TNS3: variants seen among roughly 807,000 people sequenced by gnomAD.
TNS3 encodes tensin-3.
In TNS3, 45 loss-of-function variants were observed where a neutral mutation model predicts 140.9. The ratio of observed to expected loss-of-function variants is 0.32; its 90% CI spans 0.25 to 0.41. TNS3 has a LOEUF of 0.41. Ranked by LOEUF, TNS3 falls within the 10% of genes least tolerant of loss-of-function variation. The pLI, the probability that TNS3 is intolerant of heterozygous loss-of-function variation, is 1.00. For missense variants in TNS3, 1,716 were observed against 1,906.7 expected, an observed-to-expected ratio of 0.90 and a Z score of 1.86; for synonymous variants, 815 against 788.4, an observed-to-expected ratio of 1.03 and a Z score of -0.56.
chr7:47,505,933 C>T (rs958942773), intron 3 of TNS3, among the ~76,000 whole-genome samples: 3 of 152,184 alleles, frequency 2.0e-5, no homozygotes, highest in Non-Finnish European at 2.9e-5. Flanking sequence ...AACAGACCCA[C>T]ATGCAGTGAG....
rs541777651 is a variant in TNS3, at chr7:47,495,923, G to A, written c.-115+10984C>T. ...CAGACCACTCAGGAGAGCAGTGGAC[G>A]AAACCACACACATTATGACAAGTGG... is the stretch of plus-strand genomic sequence containing the variant. On this transcript the variant is annotated intron_variant, in intron 3 of 30. Transcript: ENST00000311160. Among the ~76,000 whole-genome samples the A allele has an allele frequency of 2.1e-3, 326 of 152,332 alleles. 1 individual carries two copies. The highest frequency in any genetic ancestry group is 7.4e-3 in the African/African-American group (308 of 41,578).
At chr7:47,375,148 A>C (rs1316243454) in intron 16 of TNS3, among the ~76,000 whole-genome samples, 3 of 152,218 alleles carry the variant, frequency 2.0e-5, no homozygotes, top group African/African-American at 7.2e-5. Context: ...TTCAGAACCT[A>C]ATCTTAGAGT....
intron 15 of TNS3, among the ~76,000 whole-genome samples, chr7:47,399,600 T>C (rs1793038847): frequency 6.6e-6 from 1 of 152,184 alleles, no homozygotes; most frequent in African/African-American, 2.4e-5. Context: ...CAAATGGTGC[T>C]GGGAAAACTG....
chr7:47,293,027 G>C, intron 25 of TNS3, 122 bp from the exon 26 acceptor site: 1 of 761,586 alleles, frequency 1.3e-6, no homozygotes, highest in Non-Finnish European at 2.2e-6. Context: ...TTAGCAACTG[G>C]TATGTTAGAT....
intron 4 of TNS3, chr7:47,453,172 G>A (rs570868767): frequency 8.7e-5 from 86 of 985,564 alleles, no homozygotes; most frequent in African/African-American, 3.5e-4. Flanking sequence ...CCGGCCCCAC[G>A]GTGAGCACGC....
At chr7:47,522,006 G>A (rs1181418819) in intron 2 of TNS3, among the ~76,000 whole-genome samples, 1 of 152,144 alleles carries the variant, frequency 6.6e-6, no homozygotes, top group Non-Finnish European at 1.5e-5. Flanking sequence ...GGAGACCGGG[G>A]CCCAGCCTCC....
Position 47,437,287 on chromosome 7 carries a change from A to C in TNS3, c.177T>G (p.Tyr59Ter). 6.4e-7 allele frequency: 1 copy of C among 1,553,244 alleles called. No individual in the cohort carries two copies. The highest frequency in any genetic ancestry group is 8.6e-7 in the Non-Finnish European group (1 of 1,157,082). The change falls in exon 7 of 31, where the codon TAT becomes TAG. Residue 59 changes from tyrosine (Y) to a stop codon, truncating the protein, a stop_gained. Coordinates refer to ENST00000311160, the MANE Select transcript of TNS3 (RefSeq NM_022748.12). LOFTEE classifies it high-confidence loss of function. ...YLVLNLSEKR[Y>*]DLTKLNPKIM... ...CCTTTGGGTTAAGCTTCGTAAGGTC[A>C]TATCTCTTTTCTGAAAGGTTTAATA...
intron 9 of TNS3, among the ~76,000 whole-genome samples, chr7:47,427,930 C>A (rs149414368): frequency 1.3e-5 from 2 of 152,328 alleles, no homozygotes; most frequent in African/African-American, 4.8e-5. Context: ...CTGTCATCAT[C>A]ATTATATACA....
chr7:47,334,446 T>C (rs1788509718), intron 20 of TNS3, among the ~76,000 whole-genome samples: 1 of 152,180 alleles, frequency 6.6e-6, no homozygotes, highest in South Asian at 2.1e-4. Flanking sequence ...AGGATAAGGA[T>C]GCTCTGGAAC....
chr7:47,297,216 G>A lies in TNS3; in HGVS notation c.3545-3C>T, dbSNP rs373301554. On this transcript the variant is annotated splice_polypyrimidine_tract_variant and splice_region_variant and intron_variant, in intron 23 of 30. Transcript: ENST00000311160. ...CTTGTCCTTCAACATGGCGATGGCTGGAGAAAGGGAGGAGAAAGACAAGAA... is the reference window on the plus strand; with the variant it reads ...CTTGTCCTTCAACATGGCGATGGCTAGAGAAAGGGAGGAGAAAGACAAGAA... 4 of 1,607,398 alleles carry A rather than the reference G, an allele frequency of 2.5e-6. No individual in the cohort carries two copies. The African/African-American group carries it at 4.0e-5, about 16-fold the overall frequency.
At chr7:47,471,376 G>A (rs1190723527) in intron 4 of TNS3, among the ~76,000 whole-genome samples, 1 of 152,186 alleles carries the variant, frequency 6.6e-6, no homozygotes, top group Middle Eastern at 3.2e-3. Flanking sequence ...TCGTCTCTGG[G>A]AACTGGGCTG....
intron 1 of TNS3, among the ~76,000 whole-genome samples, chr7:47,533,186 A>G (rs1373379397): frequency 1.5e-5 from 2 of 129,736 alleles, no homozygotes; most frequent in African/African-American, 6.0e-5. Flanking sequence ...ACACTGGAGT[A>G]CAGTGGCGCA....
chr7:47,522,773 A>C (rs1799032056), intron 2 of TNS3, among the ~76,000 whole-genome samples: 1 of 151,986 alleles, frequency 6.6e-6, no homozygotes, highest in Admixed American at 6.5e-5. Flanking sequence ...CTAAAAATAC[A>C]AAAAATTAGC....
intron 1 of TNS3, among the ~76,000 whole-genome samples, chr7:47,563,099 C>G (rs903676397): frequency 6.6e-6 from 1 of 152,322 alleles, no homozygotes; most frequent in East Asian, 1.9e-4. Context: ...CATCCCCGGG[C>G]CAGGCCCTCT....
chr7:47,344,488 A>G (rs575007124), intron 20 of TNS3, among the ~76,000 whole-genome samples: 1 of 152,250 alleles, frequency 6.6e-6, no homozygotes, highest in East Asian at 1.9e-4. Context: ...CCCGACAGTC[A>G]CCACTGATGG....
intron 3 of TNS3, chr7:47,481,796 A>ACAGG: frequency 5.6e-6 from 4 of 713,012 alleles, no homozygotes; most frequent in Non-Finnish European, 6.9e-6. Flanking sequence ...GCAGTTAGTA[A>ACAGG]CAGGCACAGG....
At chr7:47,465,024 C>A (rs1440361093) in intron 4 of TNS3, among the ~76,000 whole-genome samples, 2 of 152,206 alleles carry the variant, frequency 1.3e-5, no homozygotes, top group Non-Finnish European at 2.9e-5. Flanking sequence ...CCTATCAAGG[C>A]TGATCTCCCT....
chr7:47,324,471 G>C (rs1787918439), intron 20 of TNS3, among the ~76,000 whole-genome samples: 2 of 152,280 alleles, frequency 1.3e-5, no homozygotes, highest in South Asian at 2.1e-4. Context: ...TCTTAACAGG[G>C]CTAGGCAAGG....
intron 13 of TNS3, among the ~76,000 whole-genome samples, chr7:47,410,159 A>T (rs1436743040): frequency 2.0e-5 from 3 of 152,136 alleles, no homozygotes; most frequent in African/African-American, 7.2e-5. Context: ...GATGTGAGGA[A>T]CACCAGAGCG....
Sources: allele counts gnomAD v4.1 joint callset (sites outside exome capture counted in the v4.1 genomes callset), GRCh38; gene constraint gnomAD v4.1.1; transcripts MANE v1.5; gene names NCBI Gene and HGNC (gene_info 2026-07-23, HGNC 2026-07-21).